AADACL2: variants seen among roughly 807,000 people sequenced by gnomAD.
AADACL2 encodes the protein arylacetamide deacetylase like 2.
AADACL2 carries 23 observed loss-of-function variants against 22.3 expected under a neutral mutation model. That is an observed-to-expected ratio of 1.03 (90% CI 0.74 to 1.46). AADACL2 has a LOEUF of 1.46. AADACL2 is among the 40% of genes most tolerant of loss of function. The pLI is 0.00. For missense variants in AADACL2, 472 were observed against 482.9 expected (o/e 0.98, Z 0.21); for synonymous variants, 177 against 166.2 (o/e 1.07, Z -0.50).
In AADACL2 at chr3:151,733,971, T is replaced by A; in HGVS notation, c.-65T>A. ...CCAAGTCTACAATTGCTCTACTAGT[T>A]ACTATTCAGTGTTTGTGAAAAATTT... On this transcript the variant is annotated 5_prime_UTR_variant, in exon 1 of 5. Coordinates refer to ENST00000356517, the MANE Select transcript of AADACL2 (RefSeq NM_207365.4). 4 of 1,494,314 alleles carry A rather than the reference T, an allele frequency of 2.7e-6. No individual in the cohort carries two copies. Among genetic ancestry groups the A allele is most frequent in the Non-Finnish European group, 3.6e-6 (4 of 1,111,642 alleles). The allele number at this position is 1,494,314 out of a possible 1,614,324, so 92.6% of individuals were successfully genotyped here.
chr3:151,751,619 T>A (rs1713672208), intron 4 of AADACL2: 2 of 151,862 alleles, frequency 1.3e-5, no homozygotes, highest in South Asian at 4.2e-4. Context: ...GAGTTCGGGG[T>A]TTGCAGTGAG....
At chr3:151,745,721 G>A (rs1713423016) in intron 4 of AADACL2, 41 bp downstream of exon 4, 1 of 1,529,530 alleles carries the variant, frequency 6.5e-7, no homozygotes, top group Non-Finnish European at 8.8e-7. Flanking sequence ...CAGAAATTGA[G>A]GCTCATTTTT....
chr3:151,734,350 A>G (rs1160778728), intron 1 of AADACL2, among the ~76,000 whole-genome samples, 177 bp downstream of exon 1: 1 of 152,220 alleles, frequency 6.6e-6, no homozygotes, highest in Non-Finnish European at 1.5e-5. Flanking sequence ...ATCTGTGAGT[A>G]ACAGTGAGAC....
In AADACL2 at chr3:151,757,103, A is replaced by G. The variant is rs375687513; in HGVS notation, c.715A>G (p.Ile239Val). Residue 239 changes from isoleucine to valine, a missense_variant, in exon 5 of 5, where the codon ATA becomes GTA. Ile to Val is a conservative substitution (Grantham distance 29). Transcript: ENST00000356517. ...ATCTCACCGAGAAAATGAGCATGGTATAGTTTTGACCAGGGATGTAGCCAT... is the reference window on the plus strand; with the variant it reads ...ATCTCACCGAGAAAATGAGCATGGTGTAGTTTTGACCAGGGATGTAGCCAT... ...LPSHRENEHG[I>V]VLTRDVAIKL... 26 of 1,613,308 alleles carry G rather than the reference A, an allele frequency of 1.6e-5. No homozygotes were observed. The South Asian group carries it at 2.0e-4, about 12-fold the overall frequency.
intron 2 of AADACL2, among the ~76,000 whole-genome samples, chr3:151,741,290 T>C (rs775425233): frequency 6.6e-6 from 1 of 152,148 alleles, no homozygotes; most frequent in Non-Finnish European, 1.5e-5. Flanking sequence ...GATAACATAA[T>C]AGAAATACTG....
At chr3:151,746,125 A>C (rs1305912535) in intron 4 of AADACL2, among the ~76,000 whole-genome samples, 1 of 152,060 alleles carries the variant, frequency 6.6e-6, no homozygotes, top group African/African-American at 2.4e-5. Context: ...ATTTCTCAGC[A>C]ATATTTTACT....
At chr3:151,749,275 T>TTA (rs59219065) in intron 4 of AADACL2, among the ~76,000 whole-genome samples, 71,040 of 151,690 alleles carry the variant, frequency 0.47, 16,881 homozygotes, top group African/African-American at 0.54. Context: ...TCCTGGTGTT[T>TTA]TTTATGTACT....
chr3:151,738,634 C>T (rs1360523063), intron 1 of AADACL2, among the ~76,000 whole-genome samples: 1 of 152,190 alleles, frequency 6.6e-6, no homozygotes, highest in Non-Finnish European at 1.5e-5. Context: ...GTACACCAAT[C>T]TAACGTAGGT....
chr3:151,752,046 T>G (rs1560286021), intron 4 of AADACL2, among the ~76,000 whole-genome samples: 1 of 152,214 alleles, frequency 6.6e-6, no homozygotes, highest in Non-Finnish European at 1.5e-5. Context: ...CTATTTACTT[T>G]TGTGATTATA....
intron 4 of AADACL2, among the ~76,000 whole-genome samples, chr3:151,747,391 C>T (rs1576614533): frequency 1.3e-5 from 2 of 152,094 alleles, no homozygotes; most frequent in Non-Finnish European, 2.9e-5. Flanking sequence ...TCTCCCTGTT[C>T]TCCCCATCTC....
intron 4 of AADACL2, among the ~76,000 whole-genome samples, chr3:151,747,128 CAT>C (rs1713478966): frequency 6.6e-6 from 1 of 152,016 alleles, no homozygotes; most frequent in Non-Finnish European, 1.5e-5. Context: ...AAGGAAAAAT[CAT>C]ATGTATTTAA....
Position 151,745,556 on chromosome 3 carries a change from G to T in AADACL2, c.479G>T (p.Gly160Val), listed in dbSNP as rs746776640. 6.2e-7 allele frequency: 1 copy of T among 1,613,764 alleles called. No homozygotes were observed. The highest frequency in any genetic ancestry group is 8.5e-7 in the Non-Finnish European group (1 of 1,179,850). Residue 160 changes from glycine to valine, a missense_variant, in exon 4 of 5, where the codon GGC (glycine) becomes GTC (valine). Transcript: ENST00000356517. ...QHHFPAQFED[G>V]LAAVKFFLLE... ...CACTTTCCTGCTCAGTTTGAAGATGGCCTTGCTGCAGTCAAATTTTTTCTT... is the reference window on the plus strand; with the variant it reads ...CACTTTCCTGCTCAGTTTGAAGATGTCCTTGCTGCAGTCAAATTTTTTCTT...
intron 2 of AADACL2, among the ~76,000 whole-genome samples, chr3:151,741,496 G>T (rs1049994557): frequency 6.6e-6 from 1 of 152,064 alleles, no homozygotes; most frequent in Non-Finnish European, 1.5e-5. Context: ...GACATCTGAT[G>T]ATCTCTAGAG....
intron 1 of AADACL2, among the ~76,000 whole-genome samples, chr3:151,734,636 T>C (rs1713033003): frequency 6.6e-6 from 1 of 152,126 alleles, no homozygotes; most frequent in Non-Finnish European, 1.5e-5. Flanking sequence ...AAATTGCTGG[T>C]TTTCAGGCAT....
chr3:151,733,927 A>G lies in AADACL2; in HGVS notation c.-109A>G, dbSNP rs971487928. ...TTAGCTTCATGTTGTTAAGATGATC[A>G]TATCACCTGAGAGAGTTCCCAAGTC... On this transcript the variant is annotated 5_prime_UTR_variant, in exon 1 of 5. Coordinates refer to ENST00000356517, the MANE Select transcript of AADACL2 (RefSeq NM_207365.4). 9.5e-6 allele frequency: 11 copies of G among 1,159,968 alleles called. No individual in the cohort carries two copies. The highest frequency in any genetic ancestry group is 2.9e-5 in the Admixed American group (1 of 34,662). 71.9% of individuals were successfully genotyped at this position (1,159,968 alleles called of 1,614,324 possible). A position where few individuals can be genotyped will look rare whatever the true frequency, so the allele number is the denominator to read the frequency against.
In AADACL2 at chr3:151,760,997, C is replaced by G. The variant is rs1714122301; in HGVS notation, c.*3403C>G. On this transcript the variant is annotated 3_prime_UTR_variant, in exon 5 of 5. Transcript: ENST00000356517. ...TCCTAATAATTTCATTTTAACCTGA[C>G]TGTCTTTGTAAAGACCCTATCTGCA... 6.6e-6 allele frequency: 1 copy of G among 151,616 alleles called. No homozygotes were observed. Among genetic ancestry groups the G allele is most frequent in the Admixed American group, 6.6e-5 (1 of 15,214 alleles). 9.4% of individuals were successfully genotyped at this position (151,616 alleles called of 1,614,324 possible).
intron 1 of AADACL2, 60 bp from the exon 2 acceptor site, chr3:151,740,586 A>T: frequency 9.1e-7 from 1 of 1,098,928 alleles, no homozygotes. Flanking sequence ...TTTCTTTTTA[A>T]ATATATTTGG....
Position 151,740,823 on chromosome 3 carries a change from G to C in AADACL2, c.316G>C (p.Ala106Pro). 6.2e-7 allele frequency: 1 copy of C among 1,613,984 alleles called. No homozygotes were observed. Among genetic ancestry groups the C allele is most frequent in the South Asian group, 1.1e-5 (1 of 91,062 alleles). Reference protein sequence around the residue: ...PKRKSETRRRAVIYFHGGGFC... With the variant: ...PKRKSETRRRPVIYFHGGGFC... ...AAGAAAGTCAGAAACCCGAAGGCGA[G>C]CTGTGATATATTTTCATGGTGGTGG... Residue 106 changes from alanine to proline, a missense_variant, in exon 2 of 5, where the codon GCT becomes CCT. By Grantham distance (27) the Ala-to-Pro change is conservative. This residue lies in a region of AADACL2 where 356 missense variants were observed against 365.5 expected (regional missense o/e 0.97). Transcript: ENST00000356517.
chr3:151,757,654 T>C lies in AADACL2; in HGVS notation c.*60T>C, dbSNP rs1713985664. On this transcript the variant is annotated 3_prime_UTR_variant, in exon 5 of 5. Transcript: ENST00000356517. ...GATTGTAATTTGTGATATTTTGTGG[T>C]TTTGGAGCAAAGAACAATGTCATTT... 1.3e-6 allele frequency: 2 copies of C among 1,514,210 alleles called. No individual in the cohort carries two copies. Among genetic ancestry groups the C allele is most frequent in the African/African-American group, 2.8e-5 (2 of 71,714 alleles). 93.8% of individuals were successfully genotyped at this position (1,514,210 alleles called of 1,614,324 possible).
Sources: allele counts gnomAD v4.1 joint callset (sites outside exome capture counted in the v4.1 genomes callset), GRCh38; gene constraint gnomAD v4.1.1; regional missense constraint gnomAD v4.1.1; transcripts MANE v1.5; gene names NCBI Gene and HGNC (gene_info 2026-07-23, HGNC 2026-07-21).